ATG5: variants seen among roughly 807,000 people sequenced by gnomAD.
The protein encoded by ATG5 is autophagy related 5.
ATG5 carries 14 observed loss-of-function variants against 36.5 expected under a neutral mutation model. The observed-to-expected ratio is 0.38, with a 90% CI of 0.25 to 0.60. The LOEUF (loss-of-function observed/expected upper bound fraction) is 0.60. Among genes scored for constraint, ATG5 ranks in the 20% least tolerant of loss-of-function variants. The pLI, the probability that ATG5 is intolerant of heterozygous loss-of-function variation, is 0.60. For synonymous variants in ATG5, 95 were observed against 101.5 expected (o/e 0.94, Z 0.38); for missense variants, 195 against 326.7 (o/e 0.60, Z 3.11).
chr6:106,322,254 C>T (rs561107693), intron 1 of ATG5, among the ~76,000 whole-genome samples: 1 of 152,156 alleles, frequency 6.6e-6, no homozygotes, highest in South Asian at 2.1e-4. Context: ...CAGAAAATGG[C>T]ACGGTGTGAC....
intron 6 of ATG5, among the ~76,000 whole-genome samples, chr6:106,219,543 G>A (rs538780542): frequency 5.3e-5 from 8 of 152,086 alleles, no homozygotes; most frequent in Non-Finnish European, 1.2e-4. Context: ...TTTTCACAGT[G>A]TGTACATGTG....
At chr6:106,287,709 G>A (rs1780134904) in intron 4 of ATG5, among the ~76,000 whole-genome samples, 1 of 152,118 alleles carries the variant, frequency 6.6e-6, no homozygotes, top group East Asian at 1.9e-4. Flanking sequence ...TTCACCTGAT[G>A]TCATTAAACT....
At chr6:106,317,151 A>G (rs1440569232) in intron 1 of ATG5, among the ~76,000 whole-genome samples, 1 of 152,228 alleles carries the variant, frequency 6.6e-6, no homozygotes, top group East Asian at 1.9e-4. Context: ...CTGCAACTGA[A>G]TAACACATCA....
chr6:106,303,580 A>T (rs1770299756), intron 3 of ATG5, among the ~76,000 whole-genome samples: 6 of 152,152 alleles, frequency 3.9e-5, no homozygotes, highest in Admixed American at 3.9e-4. Context: ...GTATAACCCT[A>T]ATGCTAAATC....
intron 4 of ATG5, among the ~76,000 whole-genome samples, chr6:106,292,603 T>C (rs28397757): frequency 6.6e-6 from 1 of 152,188 alleles, no homozygotes; most frequent in Non-Finnish European, 1.5e-5. Flanking sequence ...AAGATTTTTG[T>C]TTTTTCTAGC....
Position 106,269,893 on chromosome 6 carries a change from G to A in ATG5, c.478+9768C>T, listed in dbSNP as rs185547886. Among the ~76,000 whole-genome samples the A allele has an allele frequency of 2.6e-5, 4 of 152,364 alleles. No individual in the cohort carries two copies. In the East Asian group the frequency reaches 5.8e-4, roughly 22 times the overall value. Reference sequence around the variant, plus strand: ...GCTGAAGGGCTCAAGTGCCCCCAAAGTAGGAGCCCAGGCAGAGGAGACGCC... The same window carrying A: ...GCTGAAGGGCTCAAGTGCCCCCAAAATAGGAGCCCAGGCAGAGGAGACGCC... On this transcript the variant is annotated intron_variant, in intron 5 of 7. Transcript: ENST00000369076.
chr6:106,306,801 T>C (rs1770464051), intron 3 of ATG5, among the ~76,000 whole-genome samples: 1 of 151,838 alleles, frequency 6.6e-6, no homozygotes, highest in African/African-American at 2.4e-5. Flanking sequence ...TTGCTCTGTT[T>C]ACACTTCCTT....
rs773046276 is a variant in ATG5, at chr6:106,216,383, T to C, written c.574-14294A>G. ...TCAATTGGTGAATTGATAAACAAAATGTGGTATCTTCATACAACTATTACT... is the reference window on the plus strand; with the variant it reads ...TCAATTGGTGAATTGATAAACAAAACGTGGTATCTTCATACAACTATTACT... On this transcript the variant is annotated intron_variant, in intron 6 of 7. Coordinates refer to ENST00000369076, the MANE Select transcript of ATG5 (RefSeq NM_004849.4). 9.0e-4 allele frequency among the ~76,000 whole-genome samples: 137 copies of C among 152,186 alleles called. 1 individual carries two copies. Among genetic ancestry groups the C allele is most frequent in the Non-Finnish European group, 3.1e-4 (21 of 68,022 alleles).
chr6:106,260,578 T>C (rs569511395), intron 5 of ATG5, among the ~76,000 whole-genome samples: 10 of 152,340 alleles, frequency 6.6e-5, no homozygotes, highest in African/African-American at 2.2e-4. Flanking sequence ...CTCTTTTTCA[T>C]AAGTTGCTTA....
chr6:106,218,272 G>C (rs1245162908), intron 6 of ATG5, among the ~76,000 whole-genome samples: 1 of 152,124 alleles, frequency 6.6e-6, no homozygotes, highest in East Asian at 1.9e-4. Flanking sequence ...ATAGAAAAGA[G>C]TGCAAGAGTG....
At chr6:106,296,819 G>T (rs1418398453) in intron 3 of ATG5, among the ~76,000 whole-genome samples, 4 of 151,880 alleles carry the variant, frequency 2.6e-5, no homozygotes, top group African/African-American at 7.2e-5. Flanking sequence ...CTTGGTCTCA[G>T]AAAAAAGAAA....
intron 3 of ATG5, among the ~76,000 whole-genome samples, chr6:106,303,988 GAAGAA>G (rs986681496): frequency 2.1e-5 from 3 of 145,042 alleles, no homozygotes; most frequent in African/African-American, 5.1e-5. Flanking sequence ...AAAAAAAAAA[GAAGAA>G]AAGAAATAAA....
intron 6 of ATG5, among the ~76,000 whole-genome samples, chr6:106,204,363 GTT>G (rs1477519818): frequency 6.6e-6 from 1 of 152,090 alleles, no homozygotes; most frequent in Non-Finnish European, 1.5e-5. Context: ...ATATTTGAGT[GTT>G]TGTGACAAGT....
intron 3 of ATG5, among the ~76,000 whole-genome samples, chr6:106,307,819 T>C (rs1243049100): frequency 1.3e-5 from 2 of 152,046 alleles, no homozygotes; most frequent in African/African-American, 4.8e-5. Context: ...TCGTGTAGTA[T>C]CTGTTCTTAT....
chr6:106,276,246 C>T (rs982493493), intron 5 of ATG5, among the ~76,000 whole-genome samples: 16 of 152,050 alleles, frequency 1.1e-4, no homozygotes, highest in Non-Finnish European at 1.8e-4. Flanking sequence ...GGGTGGATCA[C>T]GAGGTCAGGA....
chr6:106,191,843 G>A (rs1047270603), intron 7 of ATG5, among the ~76,000 whole-genome samples: 2 of 151,972 alleles, frequency 1.3e-5, no homozygotes, highest in Non-Finnish European at 1.5e-5. Context: ...TCCTACACAC[G>A]TTATAAGAAT....
intron 5 of ATG5, among the ~76,000 whole-genome samples, chr6:106,256,622 C>G (rs756570202): frequency 1.3e-5 from 2 of 151,886 alleles, no homozygotes; most frequent in African/African-American, 2.4e-5. Flanking sequence ...TACTACACAA[C>G]TAGGCTATAT....
intron 6 of ATG5, among the ~76,000 whole-genome samples, chr6:106,203,593 C>T (rs1776519938): frequency 6.6e-6 from 1 of 152,074 alleles, no homozygotes; most frequent in South Asian, 2.1e-4. Flanking sequence ...AGAGAAATGC[C>T]ATACATACAT....
chr6:106,186,321 A>T lies in ATG5; in HGVS notation c.*219T>A. The stretch of plus-strand genomic sequence containing the variant: ...TGGTCCGGTAAGTCTTTCATGTCAC[A>T]GCTGAGGTTTAATGATGGCAGTGGA... On this transcript the variant is annotated 3_prime_UTR_variant, in exon 8 of 8. Transcript: ENST00000369076. The T allele has an allele frequency of 4.0e-6, 2 of 504,640 alleles. No individual in the cohort carries two copies. The highest frequency in any genetic ancestry group is 3.2e-5 in the East Asian group (1 of 31,618). 31.3% of individuals were successfully genotyped at this position (504,640 alleles called of 1,614,324 possible). A position where few individuals can be genotyped will look rare whatever the true frequency, so the allele number is the denominator to read the frequency against.
Sources: gnomAD v4.1 joint callset for allele counts (sites outside exome capture counted in the v4.1 genomes callset) on GRCh38, gnomAD v4.1.1 for gene constraint, MANE v1.5 for transcripts, NCBI Gene and HGNC (gene_info 2026-07-23, HGNC 2026-07-21) for gene names.